Variants in F13A1 observed in about 807,000 individuals in gnomAD.
F13A1 encodes the protein FSF, A subunit.
In F13A1, 47 loss-of-function variants were observed where a neutral mutation model predicts 80.1. The observed-to-expected ratio is 0.59, with a 90% CI of 0.46 to 0.75. The LOEUF (loss-of-function observed/expected upper bound fraction) is 0.75, where lower values mean the gene tolerates loss of function less well. Among genes scored for constraint, F13A1 ranks in the 30% least tolerant of loss-of-function variants. The probability of loss-of-function intolerance (pLI) is 0.00; values close to 1 mark genes in which losing one functional copy is unlikely to be tolerated. For synonymous variants in F13A1, 349 were observed against 344.9 expected (o/e 1.01, Z -0.13); for missense variants, 817 against 930.4 (o/e 0.88, Z 1.59).
At chr6:6,266,125 ATCTTTC>A (rs1387681254) in intron 4 of F13A1, among the ~76,000 whole-genome samples, 1 of 152,218 alleles carries the variant, frequency 6.6e-6, no homozygotes, top group African/African-American at 2.4e-5. Context: ...TGAATTTTCT[ATCTTTC>A]TCTTTCAATC....
intron 4 of F13A1, among the ~76,000 whole-genome samples, chr6:6,256,210 A>T (rs1757700188): frequency 2.6e-5 from 4 of 152,098 alleles, no homozygotes; most frequent in Admixed American, 2.6e-4. Flanking sequence ...AACAATTTGG[A>T]CTGGTAGAAG....
intron 8 of F13A1, among the ~76,000 whole-genome samples, chr6:6,212,347 GCCT>G (rs1351947026): frequency 2.0e-5 from 3 of 151,608 alleles, no homozygotes; most frequent in Non-Finnish European, 1.5e-5. Context: ...GGGGCAGACT[GCCT>G]CCTCAAGTGG....
At chr6:6,175,856 G>A (rs1319699693) in intron 11 of F13A1, among the ~76,000 whole-genome samples, 2 of 152,352 alleles carry the variant, frequency 1.3e-5, no homozygotes, top group East Asian at 1.9e-4. Flanking sequence ...AAAAAGAGGA[G>A]GGTAACCTCC....
intron 2 of F13A1, among the ~76,000 whole-genome samples, chr6:6,310,398 G>T (rs1299808255): frequency 6.6e-6 from 1 of 152,188 alleles, no homozygotes; most frequent in Non-Finnish European, 1.5e-5. Flanking sequence ...TGCAGCCTCA[G>T]AAAAGTTATT....
intron 13 of F13A1, among the ~76,000 whole-genome samples, chr6:6,158,458 C>A (rs1196713645): frequency 6.6e-6 from 1 of 152,138 alleles, no homozygotes; most frequent in Non-Finnish European, 1.5e-5. Flanking sequence ...AAAGGGAGAA[C>A]ATGTTGCCAG....
chr6:6,305,539 T>C lies in F13A1; in HGVS notation c.131A>G (p.Glu44Gly), dbSNP rs1388475195. ...GVVPRGVNLQ[E>G]FLNVTSVHLF... ...GTGAACGCTCGTGACATTAAGAAAC[T>C]CTATGAACAAGAAAAACAAGGGTTG... The change falls in exon 3 of 15, where the codon GAG becomes GGG. Residue 44 changes from glutamate (E) to glycine (G), a missense_variant and splice_region_variant. Glu to Gly is a moderately conservative substitution (Grantham distance 98). Transcript: ENST00000264870. 1 of 1,613,924 alleles carries C rather than the reference T, an allele frequency of 6.2e-7. No individual in the cohort carries two copies. The highest frequency in any genetic ancestry group is 1.3e-5 in the African/African-American group (1 of 74,894).
intron 10 of F13A1, among the ~76,000 whole-genome samples, chr6:6,184,143 G>T (rs1027661880): frequency 4.6e-5 from 7 of 152,212 alleles, no homozygotes. Context: ...TTTTATAAAG[G>T]ATTTAGTTTG....
At chr6:6,181,866 C>T (rs1289035495) in intron 11 of F13A1, 122 bp downstream of exon 11, 8 of 1,054,836 alleles carry the variant, frequency 7.6e-6, no homozygotes, top group African/African-American at 1.6e-5. Context: ...GTTTATACTT[C>T]TGCTGTTGCT....
At chr6:6,236,365 ATAT>A (rs1757413795) in intron 6 of F13A1, among the ~76,000 whole-genome samples, 1 of 152,128 alleles carries the variant, frequency 6.6e-6, no homozygotes, top group Non-Finnish European at 1.5e-5. Flanking sequence ...CTATAGTATA[ATAT>A]TATCTATGAT....
intron 8 of F13A1, among the ~76,000 whole-genome samples, chr6:6,200,550 A>T (rs755823451): frequency 1.1e-4 from 10 of 90,076 alleles, no homozygotes; most frequent in Non-Finnish European, 2.5e-4. Context: ...GACCCTGTCT[A>T]AAAAAAAAAA....
chr6:6,164,235 C>G (rs1583050233), intron 13 of F13A1, among the ~76,000 whole-genome samples: 1 of 152,018 alleles, frequency 6.6e-6, no homozygotes, highest in African/African-American at 2.4e-5. Context: ...AATGCAGGAA[C>G]AGAAAACGTA....
chr6:6,174,991 C>T (rs965292742), intron 11 of F13A1, 124 bp from the exon 12 acceptor site: 5 of 1,169,306 alleles, frequency 4.3e-6, no homozygotes, highest in Non-Finnish European at 6.2e-6. Context: ...TCAGACCTCC[C>T]CAGGAGGAGG....
intron 10 of F13A1, among the ~76,000 whole-genome samples, chr6:6,188,209 G>A (rs934921783): frequency 1.3e-5 from 2 of 152,022 alleles, no homozygotes; most frequent in African/African-American, 4.8e-5. Flanking sequence ...AGGGTTTTTT[G>A]TGTCTGTATT....
In F13A1 at chr6:6,145,029, T is replaced by C. The variant is rs1057237084; in HGVS notation, c.*590A>G. 2 of 159,950 alleles carry C rather than the reference T, an allele frequency of 1.3e-5. No individual in the cohort carries two copies. The highest frequency in any genetic ancestry group is 4.8e-5 in the African/African-American group (2 of 41,498). The allele number at this position is 159,950 out of a possible 1,614,324, so 9.9% of individuals were successfully genotyped here. ...TTTGTTAATATGGGGCCACCTCTTC[T>C]AACAAGGTAAATCTAAAATTTGGCA... On this transcript the variant is annotated 3_prime_UTR_variant, in exon 15 of 15. Transcript: ENST00000264870.
chr6:6,268,094 A>G (rs570368938), intron 3 of F13A1, among the ~76,000 whole-genome samples: 51 of 152,360 alleles, frequency 3.3e-4, no homozygotes, highest in Non-Finnish European at 6.0e-4. Context: ...CTTTGAATCC[A>G]GTCATAACCT....
chr6:6,151,802 C>T lies in F13A1; in HGVS notation c.2045+11G>A. On this transcript the variant is annotated intron_variant, in intron 14 of 14. Transcript: ENST00000264870. ...GCACTGCCTGCCCGGTCTCCCCAAC[C>T]CAAGGTTTACCGGAACATCTTCTTC... 1 of 1,614,004 alleles carries T rather than the reference C, an allele frequency of 6.2e-7. No homozygotes were observed. The highest frequency in any genetic ancestry group is 8.5e-7 in the Non-Finnish European group (1 of 1,179,914).
chr6:6,194,449 A>G (rs1326603621), intron 10 of F13A1, among the ~76,000 whole-genome samples: 1 of 152,034 alleles, frequency 6.6e-6, no homozygotes, highest in Non-Finnish European at 1.5e-5. Flanking sequence ...TTGCCTAATC[A>G]TCCCTCCTTC....
At chr6:6,153,899 T>G (rs1760428338) in intron 13 of F13A1, among the ~76,000 whole-genome samples, 1 of 152,146 alleles carries the variant, frequency 6.6e-6, no homozygotes, top group Non-Finnish European at 1.5e-5. Flanking sequence ...GAAGGAGGTT[T>G]TCTAGGGCAG....
chr6:6,261,303 T>C (rs9766026), intron 4 of F13A1, among the ~76,000 whole-genome samples: 28,588 of 152,110 alleles, frequency 0.19, 2,699 homozygotes, highest in Non-Finnish European at 0.19. Flanking sequence ...CTTATTGTCT[T>C]TCTTTCTTCT....
Sources: gnomAD v4.1 joint callset for allele counts (sites outside exome capture counted in the v4.1 genomes callset) on GRCh38, gnomAD v4.1.1 for gene constraint, MANE v1.5 for transcripts, NCBI Gene and HGNC (gene_info 2026-07-23, HGNC 2026-07-21) for gene names.